LIPA: variants seen among roughly 807,000 people sequenced by gnomAD.
LIPA encodes lysosomal acid lipase/cholesteryl ester hydrolase.
Under a neutral mutation model 40.6 loss-of-function variants are expected in LIPA, and 26 were observed. The ratio of observed to expected loss-of-function variants is 0.64; its 90% CI spans 0.47 to 0.89. The LOEUF (loss-of-function observed/expected upper bound fraction) is 0.89. Ranked by LOEUF, LIPA falls within the 40% of genes least tolerant of loss-of-function variation. LIPA has a pLI of 0.00. For synonymous variants in LIPA, 188 were observed against 168.4 expected (o/e 1.12, Z -0.90); for missense variants, 455 against 479.6 (o/e 0.95, Z 0.48).
intron 1 of LIPA, among the ~76,000 whole-genome samples, chr10:89,288,503 T>C (rs1003128588): frequency 1.3e-5 from 2 of 152,320 alleles, no homozygotes; most frequent in East Asian, 1.9e-4. Context: ...GACTGCATCC[T>C]GTAGCCTTTC....
At chr10:89,309,347 C>T (rs1843503020) in intron 1 of LIPA, 1 of 152,142 alleles carries the variant, frequency 6.6e-6, no homozygotes, top group Non-Finnish European at 1.5e-5. Context: ...TAGGAAGAGA[C>T]AAGAAGGCCC....
In LIPA at chr10:89,384,390, T is replaced by A; in HGVS notation, c.61+28401A>T. ...CAGAAATAGGCCACCACAGAAAGGC[T>A]GAGGAACATTTTCAGAAAGGGTTAC... On this transcript the variant is annotated intron_variant, in intron 2 of 8. Transcript: ENST00000371837. 3 of 1,614,160 alleles carry A rather than the reference T, an allele frequency of 1.9e-6. No individual in the cohort carries two copies. In the South Asian group the frequency reaches 3.3e-5, roughly 18 times the overall value.
intron 9 of LIPA, 45 bp from the exon 10 acceptor site, chr10:89,215,106 T>A (rs1194668178): frequency 1.4e-6 from 2 of 1,422,272 alleles, no homozygotes; most frequent in African/African-American, 2.8e-5. Context: ...TTGTTGTTGT[T>A]TTAATTTTCA....
In LIPA at chr10:89,339,477, T is replaced by C. The variant is rs746613430; in HGVS notation, c.-2+3134A>G. 5 of 1,614,034 alleles carry C rather than the reference T, an allele frequency of 3.1e-6. No homozygotes were observed. In the South Asian group the frequency reaches 3.3e-5, roughly 11 times the overall value. ...GGGTGTTGGAATCCACACCAAACAA[T>C]GGCTACCTCTATCACCAGATTGGGT... On this transcript the variant is annotated intron_variant, in intron 1 of 5. Coordinates refer to the LIPA transcript ENST00000282673.
At position 89,214,902 on chromosome 10, in the gene LIPA, C is replaced by A; in HGVS notation, c.1126G>T (p.Asp376Tyr). 6.2e-7 allele frequency: 1 copy of A among 1,614,084 alleles called. No individual in the cohort carries two copies. The highest frequency in any genetic ancestry group is 8.5e-7 in the Non-Finnish European group (1 of 1,179,948). The change falls in exon 10 of 10, where the codon GAC (aspartate) becomes TAC (tyrosine). Residue 376 changes from aspartate to tyrosine, a missense_variant. Physicochemically the swap from Asp to Tyr is radical, Grantham distance 160 (BLOSUM62 -3). Coordinates refer to ENST00000336233, the MANE Select transcript of LIPA (RefSeq NM_000235.4). ...GGGGCATCCAGGCCCCAAATGAAGT[C>A]AAGATGCTCCCATTCCGGAATGCTC... ...HESIPEWEHLDFIWGLDAPWR... is the reference protein window; with the variant it reads ...HESIPEWEHLYFIWGLDAPWR...
chr10:89,337,420 G>C (rs1430903642), intron 1 of LIPA, among the ~76,000 whole-genome samples: 2 of 151,808 alleles, frequency 1.3e-5, no homozygotes, highest in East Asian at 3.9e-4. Flanking sequence ...TTTTTTTTGA[G>C]GCAGGGTCCC....
chr10:89,285,717 C>T (rs117778868), intron 1 of LIPA, among the ~76,000 whole-genome samples: 7,510 of 151,778 alleles, frequency 0.049, 246 homozygotes, highest in Admixed American at 0.1. Context: ...ACCCCCTACC[C>T]CTTCTCCACT....
At chr10:89,306,299 A>T in intron 1 of LIPA, 1 of 1,614,126 alleles carries the variant, frequency 6.2e-7, no homozygotes, top group Non-Finnish European at 8.5e-7. Context: ...AGACGTTCAG[A>T]TTTATGTAGA....
At chr10:89,251,529 C>A (rs1411161235) in intron 1 of LIPA, among the ~76,000 whole-genome samples, 1 of 152,202 alleles carries the variant, frequency 6.6e-6, no homozygotes, top group African/African-American at 2.4e-5. Flanking sequence ...AAGTTGCTCT[C>A]TGAAGTTGCC....
intron 2 of LIPA, among the ~76,000 whole-genome samples, chr10:89,379,468 A>G (rs1010224201): frequency 1.3e-5 from 2 of 152,186 alleles, no homozygotes; most frequent in African/African-American, 4.8e-5. Context: ...CACAAAATAT[A>G]TATTTCTTTT....
At chr10:89,273,677 T>C (rs1335292454) in intron 1 of LIPA, among the ~76,000 whole-genome samples, 1 of 152,208 alleles carries the variant, frequency 6.6e-6, no homozygotes, top group East Asian at 1.9e-4. Context: ...TTTTAGCCGA[T>C]GTAAAGACAG....
intron 2 of LIPA, among the ~76,000 whole-genome samples, chr10:89,359,424 A>G (rs1844007362): frequency 6.6e-6 from 1 of 152,208 alleles, no homozygotes; most frequent in East Asian, 1.9e-4. Context: ...TATTTTTGTT[A>G]ACTGCATTCC....
At chr10:89,374,065 A>C (rs1347885316) in intron 2 of LIPA, among the ~76,000 whole-genome samples, 1 of 152,320 alleles carries the variant, frequency 6.6e-6, no homozygotes, top group African/African-American at 2.4e-5. Flanking sequence ...AAAGACTTCC[A>C]AGGAATTTTA....
At chr10:89,314,657 ACT>A (rs1589598378) in intron 1 of LIPA, 1 of 152,288 alleles carries the variant, frequency 6.6e-6, no homozygotes, top group East Asian at 1.9e-4. Context: ...ACAGAGCGAG[ACT>A]CTGTCAAAAA....
chr10:89,403,089 G>C, intron 2 of LIPA: 3 of 1,614,176 alleles, frequency 1.9e-6, no homozygotes, highest in Non-Finnish European at 2.5e-6. Context: ...TAAAGCTCTT[G>C]AGTTATTAAA....
chr10:89,332,801 T>A (rs10509571), intron 1 of LIPA, among the ~76,000 whole-genome samples: 40,505 of 152,014 alleles, frequency 0.27, 5,717 homozygotes, highest in African/African-American at 0.32. Context: ...ATGTATAGAG[T>A]TAGGCAGCCA....
intron 2 of LIPA, among the ~76,000 whole-genome samples, chr10:89,377,478 C>T (rs1291812778): frequency 6.6e-6 from 1 of 152,218 alleles, no homozygotes; most frequent in Non-Finnish European, 1.5e-5. Flanking sequence ...GGCAGTAATG[C>T]AAATGCTGCT....
chr10:89,395,410 C>T (rs77419940), intron 2 of LIPA, among the ~76,000 whole-genome samples: 1 of 152,224 alleles, frequency 6.6e-6, no homozygotes, highest in Non-Finnish European at 1.5e-5. Flanking sequence ...CCCATTGGCC[C>T]TGCAAGGCAT....
chr10:89,373,019 G>A (rs1844100334), intron 2 of LIPA, among the ~76,000 whole-genome samples: 1 of 152,174 alleles, frequency 6.6e-6, no homozygotes, highest in South Asian at 2.1e-4. Flanking sequence ...AACAATGAAA[G>A]CACAGAAATT....
Sources: gnomAD v4.1 joint callset for allele counts (sites outside exome capture counted in the v4.1 genomes callset) on GRCh38, gnomAD v4.1.1 for gene constraint, MANE v1.5 for transcripts, NCBI Gene and HGNC (gene_info 2026-07-23, HGNC 2026-07-21) for gene names.